ZMYND8: variants seen among roughly 807,000 people sequenced by gnomAD.
ZMYND8 encodes the protein MYND-type zinc finger-containing chromatin reader ZMYND8.
A neutral mutation model predicts 140.8 loss-of-function variants in ZMYND8; 37 were observed. The observed-to-expected ratio is 0.26, with a 90% CI of 0.20 to 0.35. The LOEUF (loss-of-function observed/expected upper bound fraction) is 0.35, where lower values mean the gene tolerates loss of function less well. ZMYND8 is among the 10% of genes least tolerant of loss of function. The pLI is 1.00. For missense variants in ZMYND8, 1,068 were observed against 1,570.0 expected (o/e 0.68, Z 5.40); for synonymous variants, 592 against 597.1 (o/e 0.99, Z 0.12).
intron 2 of ZMYND8, among the ~76,000 whole-genome samples, chr20:47,326,261 C>T (rs1306622476): frequency 6.6e-6 from 1 of 152,044 alleles, no homozygotes. Context: ...TCCAGCCCAC[C>T]AGCTAGTTTT....
rs150227552 is a variant in ZMYND8 at position 47,336,359 on chromosome 20, C to A, written c.85+11497G>T. Among the ~76,000 whole-genome samples, 865 of 152,298 alleles carry A rather than the reference C, an allele frequency of 5.7e-3. 3 individuals are homozygous for A. The highest frequency in any genetic ancestry group is 0.01 in the Non-Finnish European group (695 of 68,028). The stretch of plus-strand genomic sequence containing the variant: ...ATCCTGGGCTTCCGCTGCATCTGTG[C>A]GTGTTTCCAAGTCGTTCATTCCCTT... On this transcript the variant is annotated intron_variant, in intron 2 of 22. Coordinates refer to ENST00000471951, the MANE Select transcript of ZMYND8 (RefSeq NM_001281775.3).
chr20:47,270,509 T>A (rs1312244620), intron 11 of ZMYND8, among the ~76,000 whole-genome samples: 1 of 148,674 alleles, frequency 6.7e-6, no homozygotes, highest in Non-Finnish European at 1.5e-5. Context: ...AACCAAGGAG[T>A]CCACAGGTGC....
intron 2 of ZMYND8, among the ~76,000 whole-genome samples, chr20:47,317,932 C>A (rs901464615): frequency 1.3e-5 from 2 of 152,146 alleles, no homozygotes; most frequent in East Asian, 3.8e-4. Flanking sequence ...AGTTAATTCA[C>A]GTAAAGCTCT....
intron 11 of ZMYND8, among the ~76,000 whole-genome samples, chr20:47,267,296 T>C (rs2075598566): frequency 6.6e-6 from 1 of 152,030 alleles, no homozygotes; most frequent in Non-Finnish European, 1.5e-5. Flanking sequence ...GTTTGGTGGG[T>C]ACAGGGTTTT....
intron 11 of ZMYND8, among the ~76,000 whole-genome samples, chr20:47,273,449 G>A (rs997817374): frequency 6.6e-6 from 1 of 152,188 alleles, no homozygotes; most frequent in Admixed American, 6.5e-5. Flanking sequence ...AGGAGGCTGA[G>A]GTGGGAGGAT....
At chr20:47,217,868 G>GC (rs1245335969) in intron 21 of ZMYND8, among the ~76,000 whole-genome samples, 4 of 149,014 alleles carry the variant, frequency 2.7e-5, no homozygotes, top group African/African-American at 1.0e-4. Flanking sequence ...TCCTCCCCCT[G>GC]CTCGCCCCCC....
rs563045897 is a variant in ZMYND8, at chr20:47,309,879, G to T, written c.234+177C>A. Among the ~76,000 whole-genome samples, 11 of 152,092 alleles carry T rather than the reference G, an allele frequency of 7.2e-5. No individual in the cohort carries two copies. The South Asian group carries it at 2.3e-3, about 32-fold the overall frequency. On this transcript the variant is annotated intron_variant, in intron 3 of 22. Coordinates refer to ENST00000471951, the MANE Select transcript of ZMYND8 (RefSeq NM_001281775.3). The stretch of plus-strand genomic sequence containing the variant: ...CCGAAACAGATCTGAAAACCCACTG[G>T]AAATTTCTACACAGGCCCATTTTTA...
intron 14 of ZMYND8, among the ~76,000 whole-genome samples, chr20:47,243,162 C>T (rs1367996404): frequency 6.6e-6 from 1 of 152,166 alleles, no homozygotes; most frequent in African/African-American, 2.4e-5. Flanking sequence ...CATATTCTAC[C>T]CATAAGCTGC....
intron 15 of ZMYND8, 200 bp downstream of exon 15, chr20:47,238,558 A>T: frequency 1.0e-6 from 1 of 970,318 alleles, no homozygotes; most frequent in Non-Finnish European, 1.5e-6. Context: ...TGAACAAAAA[A>T]AACTTTTTGA....
intron 4 of ZMYND8, among the ~76,000 whole-genome samples, chr20:47,297,365 A>T (rs74686022): frequency 0.011 from 1,620 of 152,226 alleles, 21 homozygotes; most frequent in African/African-American, 0.037. Flanking sequence ...CATCTGGATG[A>T]TCTTTCCATT....
At chr20:47,275,667 A>C (rs530329920) in intron 11 of ZMYND8, among the ~76,000 whole-genome samples, 1 of 152,198 alleles carries the variant, frequency 6.6e-6, no homozygotes, top group East Asian at 1.9e-4. Context: ...CAACAGCGCA[A>C]TCATAGCTCA....
At chr20:47,341,503 G>A (rs528240467) in intron 2 of ZMYND8, among the ~76,000 whole-genome samples, 1 of 149,752 alleles carries the variant, frequency 6.7e-6, no homozygotes, top group East Asian at 2.0e-4. Flanking sequence ...TTCCAGCCTA[G>A]GTGACAGAGC....
At chr20:47,316,192 G>A (rs1249010277) in intron 2 of ZMYND8, among the ~76,000 whole-genome samples, 2 of 151,972 alleles carry the variant, frequency 1.3e-5, no homozygotes, top group African/African-American at 4.8e-5. Flanking sequence ...TTAGCTGAAT[G>A]TGATGGTGAG....
intron 11 of ZMYND8, among the ~76,000 whole-genome samples, chr20:47,274,085 AG>A (rs372429665): frequency 3.9e-5 from 6 of 152,194 alleles, no homozygotes; most frequent in African/African-American, 1.4e-4. Context: ...ATATTTTTCC[AG>A]GAAGTCTGAT....
rs553662455 is a variant in ZMYND8 at position 47,280,668 on chromosome 20, A to G, written c.998+1434T>C. 2.0e-5 allele frequency among the ~76,000 whole-genome samples: 3 copies of G among 152,226 alleles called. No homozygotes were observed. The East Asian group carries it at 5.8e-4, about 29-fold the overall frequency. The stretch of plus-strand genomic sequence containing the variant: ...TCTACTCATACTGTATTACTGTATC[A>G]ACCTATAGAGTAAGAATCTCAAATC... On this transcript the variant is annotated intron_variant, in intron 10 of 22. Coordinates refer to ENST00000471951, the MANE Select transcript of ZMYND8 (RefSeq NM_001281775.3).
chr20:47,229,985 T>C (rs1398440671), intron 16 of ZMYND8, among the ~76,000 whole-genome samples, 179 bp from the exon 17 acceptor site: 1 of 152,192 alleles, frequency 6.6e-6, no homozygotes. Flanking sequence ...GAGAAGGAGC[T>C]GCTACTGGCA....
chr20:47,258,862 G>A (rs566055680), intron 12 of ZMYND8, among the ~76,000 whole-genome samples: 183 of 152,012 alleles, frequency 1.2e-3, no homozygotes, highest in African/African-American at 4.1e-3. Context: ...TCCTCTTCCC[G>A]TTAGGTCATT....
At chr20:47,229,871 A>G (rs1388816023) in intron 16 of ZMYND8, 65 bp from the exon 17 acceptor site, 2 of 1,413,448 alleles carry the variant, frequency 1.4e-6, no homozygotes, top group Non-Finnish European at 2.0e-6. Context: ...GGTGACAAAT[A>G]CTTAAAATCT....
intron 16 of ZMYND8, among the ~76,000 whole-genome samples, chr20:47,232,781 A>C (rs2038685241): frequency 6.6e-6 from 1 of 152,186 alleles, no homozygotes; most frequent in South Asian, 2.1e-4. Flanking sequence ...CACTAACGAA[A>C]AAATTACCCG....
Sources: gnomAD v4.1 joint callset for allele counts (sites outside exome capture counted in the v4.1 genomes callset) on GRCh38, gnomAD v4.1.1 for gene constraint, MANE v1.5 for transcripts, NCBI Gene and HGNC (gene_info 2026-07-23, HGNC 2026-07-21) for gene names.